CHST11: variants seen among roughly 807,000 people sequenced by gnomAD.
CHST11 encodes C4S-1.
Under a neutral mutation model 30.4 loss-of-function variants are expected in CHST11, and 9 were observed. That is an observed-to-expected ratio of 0.30 (90% confidence interval 0.18 to 0.52). The LOEUF (loss-of-function observed/expected upper bound fraction) is 0.52. Ranked by LOEUF, CHST11 falls within the 20% of genes least tolerant of loss-of-function variation. The probability of loss-of-function intolerance (pLI) is 0.97; values close to 1 mark genes in which losing one functional copy is unlikely to be tolerated. For missense variants in CHST11, 348 were observed against 460.6 expected, an observed-to-expected ratio of 0.76 and a Z score of 2.24; for synonymous variants, 152 against 187.8, an observed-to-expected ratio of 0.81 and a Z score of 1.56.
intron 1 of CHST11, among the ~76,000 whole-genome samples, chr12:104,518,368 C>T (rs1322841168): frequency 6.6e-6 from 1 of 152,096 alleles, no homozygotes; most frequent in African/African-American, 2.4e-5. Flanking sequence ...AGGGAAGATT[C>T]GGATGATACA....
chr12:104,496,854 C>T (rs930660089), intron 1 of CHST11, among the ~76,000 whole-genome samples: 8 of 152,048 alleles, frequency 5.3e-5, no homozygotes, highest in Non-Finnish European at 8.8e-5. Flanking sequence ...GAGAAATCCA[C>T]AAGAATTTGC....
intron 2 of CHST11, among the ~76,000 whole-genome samples, chr12:104,707,570 C>T (rs1355387399): frequency 6.6e-6 from 1 of 152,108 alleles, no homozygotes; most frequent in Non-Finnish European, 1.5e-5. Flanking sequence ...ACATTCTTCC[C>T]CTGGAGACTG....
At chr12:104,723,624 G>A (rs942167621) in intron 2 of CHST11, among the ~76,000 whole-genome samples, 14 of 152,210 alleles carry the variant, frequency 9.2e-5, no homozygotes, top group Admixed American at 3.9e-4. Flanking sequence ...GAGGTGGTAA[G>A]AGTTGGGTTA....
intron 2 of CHST11, among the ~76,000 whole-genome samples, chr12:104,626,869 C>T (rs1046983071): frequency 6.6e-6 from 1 of 151,992 alleles, no homozygotes; most frequent in Non-Finnish European, 1.5e-5. Context: ...TCTTTGTCAC[C>T]CAGGCTCACA....
At chr12:104,460,652 A>G (rs2037398861) in intron 1 of CHST11, among the ~76,000 whole-genome samples, 1 of 122,976 alleles carries the variant, frequency 8.1e-6, no homozygotes, top group South Asian at 3.0e-4. Context: ...CGACAGAGTG[A>G]AACTGTGTCT....
intron 1 of CHST11, among the ~76,000 whole-genome samples, chr12:104,597,137 A>G (rs2038913429): frequency 6.6e-6 from 1 of 152,188 alleles, no homozygotes; most frequent in Non-Finnish European, 1.5e-5. Context: ...CAGTTAGCAG[A>G]CTGGGAATGG....
At chr12:104,584,387 G>C (rs988858097) in intron 1 of CHST11, among the ~76,000 whole-genome samples, 7 of 151,472 alleles carry the variant, frequency 4.6e-5, no homozygotes, top group African/African-American at 1.7e-4. Context: ...CTCCCCAGTA[G>C]CTGGGACTAC....
intron 2 of CHST11, among the ~76,000 whole-genome samples, chr12:104,617,576 ATTCAACTTCTAGGT>A (rs1489269922): frequency 2.6e-5 from 4 of 152,184 alleles, no homozygotes; most frequent in Non-Finnish European, 2.9e-5. Flanking sequence ...TGAGCAAGTA[ATTCAACTTCTAGGT>A]TTCAACTTCT....
chr12:104,715,889 C>G (rs1488696908), intron 2 of CHST11, among the ~76,000 whole-genome samples: 2 of 152,194 alleles, frequency 1.3e-5, no homozygotes, highest in Non-Finnish European at 2.9e-5. Context: ...AGAGCATCAC[C>G]CTGTGCATTC....
chr12:104,541,127 C>G (rs1016512191), intron 1 of CHST11, among the ~76,000 whole-genome samples: 1 of 147,924 alleles, frequency 6.8e-6, no homozygotes, highest in Admixed American at 6.7e-5. Context: ...CTCTCTCTCT[C>G]TCTCACACAC....
chr12:104,751,716 A>G (rs1443706318), intron 2 of CHST11, among the ~76,000 whole-genome samples: 1 of 152,210 alleles, frequency 6.6e-6, no homozygotes, highest in Non-Finnish European at 1.5e-5. Context: ...TATTTACTGA[A>G]TGCTGAAATG....
chr12:104,624,944 C>T (rs75094172), intron 2 of CHST11, among the ~76,000 whole-genome samples: 4,401 of 152,268 alleles, frequency 0.029, 174 homozygotes, highest in South Asian at 0.11. Context: ...TATAAGGACA[C>T]GGTCATTCTG....
chr12:104,602,054 A>C (rs759295682), intron 2 of CHST11, 63 bp downstream of exon 2: 3 of 1,211,398 alleles, frequency 2.5e-6, no homozygotes, highest in Non-Finnish European at 2.4e-6. Context: ...GATACTAAAA[A>C]CTCTAAAATT....
chr12:104,642,864 A>G (rs1280171481), intron 2 of CHST11, among the ~76,000 whole-genome samples: 1 of 152,200 alleles, frequency 6.6e-6, no homozygotes, highest in Admixed American at 6.5e-5. Context: ...ACTTTTTAAA[A>G]TTAAGAAATT....
intron 1 of CHST11, among the ~76,000 whole-genome samples, chr12:104,531,117 T>C (rs1371868867): frequency 1.3e-5 from 2 of 152,014 alleles, no homozygotes; most frequent in African/African-American, 4.8e-5. Flanking sequence ...GAAAGTGACA[T>C]TTTTTTTCTC....
rs1243945527 is a variant in CHST11 at position 104,722,212 on chromosome 12, TG to T, written c.205-34734del. Reference sequence around the variant, plus strand: ...TGTATGAGATTTTACCATTGTTGCCTGGGCTGGTCTTGAATTCCTGGGCTAA... The same window carrying T: ...TGTATGAGATTTTACCATTGTTGCCTGGCTGGTCTTGAATTCCTGGGCTAA... On this transcript the variant is annotated intron_variant, in intron 2 of 2. Coordinates refer to ENST00000303694, the MANE Select transcript of CHST11 (RefSeq NM_018413.6). Among the ~76,000 whole-genome samples, 3 of 146,444 alleles carry T rather than the reference TG, an allele frequency of 2.0e-5. 1 individual carries two copies. The highest frequency in any genetic ancestry group is 2.7e-5 in the African/African-American group (1 of 37,066).
chr12:104,558,035 G>A (rs1040577823), intron 1 of CHST11, among the ~76,000 whole-genome samples: 5 of 152,014 alleles, frequency 3.3e-5, no homozygotes, highest in African/African-American at 7.3e-5. Context: ...TCTGCTGTGC[G>A]GAGAGGACCT....
intron 1 of CHST11, among the ~76,000 whole-genome samples, chr12:104,555,926 GTGTC>G (rs1474599603): frequency 4.6e-5 from 7 of 152,254 alleles, no homozygotes; most frequent in Admixed American, 4.6e-4. Context: ...AGAAAGGAAG[GTGTC>G]TGTCCTCCGG....
chr12:104,637,302 TAAAAAAA>T (rs10622882), intron 2 of CHST11, among the ~76,000 whole-genome samples: 1 of 62,588 alleles, frequency 1.6e-5, no homozygotes, highest in African/African-American at 8.4e-5. Flanking sequence ...TGAGACCCTG[TAAAAAAA>T]AAAAAAAAAA....
Sources: gnomAD v4.1 joint callset for allele counts (sites outside exome capture counted in the v4.1 genomes callset) on GRCh38, gnomAD v4.1.1 for gene constraint, MANE v1.5 for transcripts, NCBI Gene and HGNC (gene_info 2026-07-23, HGNC 2026-07-21) for gene names.